The following WWOX variants were observed in gnomAD, a reference collection of about 807,000 sequenced individuals.
The protein encoded by WWOX is WW domain-containing oxidoreductase.
A neutral mutation model predicts 46.2 loss-of-function variants in WWOX; 69 were observed. The observed-to-expected ratio is 1.49, with a 90% CI of 1.23 to 1.82. The LOEUF (loss-of-function observed/expected upper bound fraction) is 1.82. Among genes scored for constraint, WWOX ranks in the 40% most tolerant of loss-of-function variants. WWOX has a pLI of 0.00. For synonymous variants in WWOX, 359 were observed against 202.6 expected (o/e 1.77, Z -6.56); for missense variants, 919 against 542.6 (o/e 1.69, Z -6.89).
At chr16:78,228,646 A>T (rs2151804861) in intron 5 of WWOX, among the ~76,000 whole-genome samples, 1 of 152,248 alleles carries the variant, frequency 6.6e-6, no homozygotes, top group African/African-American at 2.4e-5. Flanking sequence ...CTGGCCTAGG[A>T]ATCATATTCT....
intron 8 of WWOX, among the ~76,000 whole-genome samples, chr16:79,069,478 C>A (rs1388172751): frequency 6.6e-6 from 1 of 151,758 alleles, no homozygotes. Flanking sequence ...TTTACGTAAA[C>A]TTAGGAACTA....
intron 8 of WWOX, among the ~76,000 whole-genome samples, chr16:78,959,509 A>G (rs74032454): frequency 0.091 from 13,777 of 152,042 alleles, 914 homozygotes; most frequent in East Asian, 0.36. Context: ...CCATCTATTC[A>G]CTCATGCATT....
intron 5 of WWOX, among the ~76,000 whole-genome samples, chr16:78,257,530 C>G (rs1938533996): frequency 6.6e-6 from 1 of 152,124 alleles, no homozygotes; most frequent in African/African-American, 2.4e-5. Context: ...AAATCTCACT[C>G]CTACAAGGAG....
At chr16:78,186,215 G>A (rs1363337705) in intron 5 of WWOX, among the ~76,000 whole-genome samples, 4 of 151,020 alleles carry the variant, frequency 2.6e-5, no homozygotes, top group Admixed American at 2.6e-4. Context: ...TATCATTGAA[G>A]TTCATTTAAT....
intron 8 of WWOX, among the ~76,000 whole-genome samples, chr16:78,909,452 A>G (rs532514175): frequency 9.8e-5 from 15 of 152,322 alleles, no homozygotes; most frequent in African/African-American, 3.4e-4. Flanking sequence ...ATGCTATTAC[A>G]CAAGTGTCAA....
At chr16:78,163,773 C>T (rs186093474) in intron 4 of WWOX, among the ~76,000 whole-genome samples, 9 of 152,256 alleles carry the variant, frequency 5.9e-5, no homozygotes, top group South Asian at 2.1e-4. Context: ...AAGTCCTTAT[C>T]GTGGGCACAG....
At chr16:78,351,286 T>G (rs1350006638) in intron 5 of WWOX, among the ~76,000 whole-genome samples, 1 of 152,242 alleles carries the variant, frequency 6.6e-6, no homozygotes, top group Admixed American at 6.5e-5. Context: ...ACTTTTCCTT[T>G]AAATCCCTTT....
chr16:78,967,301 T>C (rs2046380132), intron 8 of WWOX, among the ~76,000 whole-genome samples: 2 of 135,386 alleles, frequency 1.5e-5, no homozygotes, highest in African/African-American at 2.7e-5. Context: ...TTTTTTTTTT[T>C]TTTTTTTTTT....
chr16:78,910,600 G>A (rs951924143), intron 8 of WWOX, among the ~76,000 whole-genome samples: 5 of 151,814 alleles, frequency 3.3e-5, no homozygotes, highest in Non-Finnish European at 4.4e-5. Context: ...ATAAAGGAAA[G>A]AGGTTTAATG....
At chr16:78,807,840 G>A (rs370561546) in intron 8 of WWOX, among the ~76,000 whole-genome samples, 1 of 152,366 alleles carries the variant, frequency 6.6e-6, no homozygotes, top group African/African-American at 2.4e-5. Context: ...TATAACATTT[G>A]TAAAAATCAC....
intron 5 of WWOX, among the ~76,000 whole-genome samples, chr16:78,260,250 G>C (rs2038243650): frequency 6.6e-6 from 1 of 151,616 alleles, no homozygotes; most frequent in Non-Finnish European, 1.5e-5. Flanking sequence ...ACTGGGAAGA[G>C]GGGCCTGATT....
In WWOX at chr16:78,534,109, T is replaced by A. The variant is rs542210508; in HGVS notation, c.1056+101357T>A. 1.5e-4 allele frequency among the ~76,000 whole-genome samples: 23 copies of A among 152,348 alleles called. No homozygotes were observed. In the South Asian group the frequency reaches 4.8e-3, roughly 32 times the overall value. ...TTAGAATCATTGAATCCCTGAGTTA[T>A]AGAAAAATTTATTAATAGCGCTATC... is the stretch of plus-strand genomic sequence containing the variant. On this transcript the variant is annotated intron_variant, in intron 8 of 8. Coordinates refer to ENST00000566780, the MANE Select transcript of WWOX (RefSeq NM_016373.4).
At chr16:78,967,458 GGTTTTTTTTT>G (rs1369291288) in intron 8 of WWOX, among the ~76,000 whole-genome samples, 2 of 91,444 alleles carry the variant, frequency 2.2e-5, no homozygotes. Flanking sequence ...TAATTTTTGT[GGTTTTTTTTT>G]TTTTTTTTTT....
At chr16:78,551,054 G>C (rs1386769713) in intron 8 of WWOX, 1 of 152,026 alleles carries the variant, frequency 6.6e-6, no homozygotes, top group African/African-American at 2.4e-5. Context: ...CAAGTATCGT[G>C]AATATATTCC....
Position 78,317,265 on chromosome 16 carries a change from T to TTC in WWOX, c.517-69581_517-69580dup, listed in dbSNP as rs149968704. Among the ~76,000 whole-genome samples, 442 of 151,472 alleles carry TTC rather than the reference T, an allele frequency of 2.9e-3. 2 individuals are homozygous for TTC. Among genetic ancestry groups the TTC allele is most frequent in the African/African-American group, 9.7e-3 (402 of 41,380 alleles). Reference sequence around the variant, plus strand: ...AACTTGAGTGATACTTTGGGGTGAATTCTCTCTCTCTCTCTGTCTGTCTCT... The same window carrying TTC: ...AACTTGAGTGATACTTTGGGGTGAATTCTCTCTCTCTCTCTCTGTCTGTCTCT... On this transcript the variant is annotated intron_variant, in intron 5 of 8. Coordinates refer to ENST00000566780, the MANE Select transcript of WWOX (RefSeq NM_016373.4).
intron 5 of WWOX, chr16:78,264,627 G>C (rs1013400377): frequency 6.6e-6 from 1 of 152,246 alleles, no homozygotes; most frequent in African/African-American, 2.4e-5. Context: ...AGAGTTGATC[G>C]ATGACAGAAC....
chr16:78,162,861 C>T (rs1273188332), intron 4 of WWOX, among the ~76,000 whole-genome samples: 1 of 151,958 alleles, frequency 6.6e-6, no homozygotes. Context: ...TCAATCTTGT[C>T]GTCAGCTGTG....
At chr16:78,489,113 A>G (rs902716359) in intron 8 of WWOX, among the ~76,000 whole-genome samples, 14 of 152,256 alleles carry the variant, frequency 9.2e-5, no homozygotes, top group African/African-American at 2.7e-4. Context: ...TGTTACTAGC[A>G]GATCAATAGT....
At chr16:78,451,637 G>T (rs549212277) in intron 8 of WWOX, among the ~76,000 whole-genome samples, 1 of 152,172 alleles carries the variant, frequency 6.6e-6, no homozygotes, top group African/African-American at 2.4e-5. Context: ...TCTTTGGGCT[G>T]TTGGTGGGAG....
Sources: allele counts gnomAD v4.1 joint callset (sites outside exome capture counted in the v4.1 genomes callset), GRCh38; gene constraint gnomAD v4.1.1; transcripts MANE v1.5; gene names NCBI Gene and HGNC (gene_info 2026-07-23, HGNC 2026-07-21).